PDE1A: variants seen among roughly 807,000 people sequenced by gnomAD.
The protein encoded by PDE1A is phosphodiesterase 1A.
A neutral mutation model predicts 61.7 loss-of-function variants in PDE1A; 35 were observed. The observed-to-expected ratio is 0.57, with a 90% CI of 0.43 to 0.75. The LOEUF is 0.75. Ranked by LOEUF, PDE1A falls within the 30% of genes least tolerant of loss-of-function variation. The pLI is 0.00. For missense variants in PDE1A, 597 were observed against 630.6 expected (o/e 0.95, Z 0.57); for synonymous variants, 232 against 213.2 (o/e 1.09, Z -0.77).
intron 2 of PDE1A, among the ~76,000 whole-genome samples, chr2:182,482,678 T>C (rs1687777403): frequency 6.6e-6 from 1 of 151,978 alleles, no homozygotes; most frequent in Non-Finnish European, 1.5e-5. Context: ...CCTGAAGCTA[T>C]TATCCCCATC....
At chr2:182,368,811 A>G (rs1191969371) in intron 1 of PDE1A, among the ~76,000 whole-genome samples, 1 of 152,180 alleles carries the variant, frequency 6.6e-6, no homozygotes, top group East Asian at 1.9e-4. Context: ...CTCTCCTTAC[A>G]GAATTGGGAG....
intron 2 of PDE1A, among the ~76,000 whole-genome samples, chr2:182,450,052 A>G (rs1685409790): frequency 1.3e-5 from 2 of 152,170 alleles, no homozygotes; most frequent in Non-Finnish European, 2.9e-5. Context: ...TGCTGTCAAG[A>G]TTAAATAAAA....
At chr2:182,201,689 C>G in exon 9 of PDE1A, 1 of 1,588,268 alleles carries the variant, frequency 6.3e-7, no homozygotes, top group Non-Finnish European at 8.6e-7. Context: ...AAAACCTACC[C>G]TTCAGGCTGC....
the PDE1A span, among the ~76,000 whole-genome samples, chr2:182,543,666 T>G: frequency 6.6e-6 from 1 of 152,268 alleles, no homozygotes; most frequent in Non-Finnish European, 1.5e-5. Flanking sequence ...AAATTAAACA[T>G]TGGAAACAGT....
intron 2 of PDE1A, among the ~76,000 whole-genome samples, chr2:182,454,732 C>A (rs200731033): frequency 0.17 from 25,332 of 151,312 alleles, 2,490 homozygotes; most frequent in Middle Eastern, 0.35. Context: ...AAAGCTGAAA[C>A]TGGATCCCTT....
rs201821721 is a variant in PDE1A at position 182,364,466 on chromosome 2, TAAAAAAAAAAAAAAAA to T, written c.53+62096_53+62111del. 7.8e-3 allele frequency among the ~76,000 whole-genome samples: 278 copies of T among 35,858 alleles called. 3 individuals carry two copies. The highest frequency in any genetic ancestry group is 0.017 in the African/African-American group (168 of 9,832). The allele number at this position is 35,858 out of a possible 152,430, so 23.5% of individuals were successfully genotyped here. A position where few individuals can be genotyped will look rare whatever the true frequency, so the allele number is the denominator to read the frequency against. On this transcript the variant is annotated intron_variant, in intron 1 of 13. Coordinates refer to ENST00000351439, the Ensembl canonical transcript of PDE1A. ...CTCAGACTATATTAGAACACTTTGG[TAAAAAAAAAAAAAAAA>T]AAAAAAAAAAAAAAAAACCTTATTC... is the stretch of plus-strand genomic sequence containing the variant.
the PDE1A span, among the ~76,000 whole-genome samples, chr2:182,704,972 G>A: frequency 6.6e-6 from 1 of 152,334 alleles, no homozygotes; most frequent in South Asian, 2.1e-4. Flanking sequence ...ATTGACTAAA[G>A]TATTTAAAAA....
the PDE1A span, among the ~76,000 whole-genome samples, chr2:182,678,200 G>A: frequency 3.9e-3 from 594 of 152,280 alleles, 2 homozygotes; most frequent in African/African-American, 0.013. Context: ...CAAGGCAGGC[G>A]GATCATGAGG....
intron 2 of PDE1A, among the ~76,000 whole-genome samples, chr2:182,245,345 T>C (rs977932222): frequency 1.1e-4 from 17 of 152,216 alleles, no homozygotes; most frequent in African/African-American, 3.9e-4. Context: ...TGTTAATACA[T>C]AATTATTAAT....
intron 1 of PDE1A, among the ~76,000 whole-genome samples, chr2:182,312,502 TTTA>T (rs1696050981): frequency 6.6e-6 from 1 of 151,838 alleles, no homozygotes; most frequent in Non-Finnish European, 1.5e-5. Flanking sequence ...CTCCTAGCAG[TTTA>T]TTTTATTTCT....
chr2:182,499,951 AG>A (rs1287810062), intron 2 of PDE1A, among the ~76,000 whole-genome samples: 1 of 152,212 alleles, frequency 6.6e-6, no homozygotes, highest in African/African-American at 2.4e-5. Flanking sequence ...AGCTTTAGCG[AG>A]TCCCAGTTGG....
intron 1 of PDE1A, among the ~76,000 whole-genome samples, chr2:182,282,323 A>T (rs941144602): frequency 1.3e-5 from 2 of 151,954 alleles, no homozygotes; most frequent in Admixed American, 1.3e-4. Flanking sequence ...CTTACATACA[A>T]GCCTCCTTAC....
At chr2:182,707,689 A>G in the PDE1A span, among the ~76,000 whole-genome samples, 1 of 152,250 alleles carries the variant, frequency 6.6e-6, no homozygotes, top group Non-Finnish European at 1.5e-5. Flanking sequence ...TGGATTCACC[A>G]TGGATTCTAT....
At chr2:182,229,892 ATACT>A (rs1689437154) in intron 6 of PDE1A, 110 bp downstream of exon 6, 1 of 642,120 alleles carries the variant, frequency 1.6e-6, no homozygotes, top group Non-Finnish European at 2.5e-6. Context: ...ATTCTTTATA[ATACT>A]TATTACTTAG....
At chr2:182,199,731 A>C (rs1258736857) in intron 10 of PDE1A, among the ~76,000 whole-genome samples, 1 of 152,138 alleles carries the variant, frequency 6.6e-6, no homozygotes, top group African/African-American at 2.4e-5. Flanking sequence ...TTTAGCACAA[A>C]GCAAATTATT....
At chr2:182,242,051 T>C (rs1690557479) in intron 2 of PDE1A, 2 of 1,290,286 alleles carry the variant, frequency 1.6e-6, no homozygotes, top group South Asian at 2.5e-5. Context: ...ACAAGTGGAA[T>C]AGGAATCATT....
the PDE1A span, among the ~76,000 whole-genome samples, chr2:182,684,386 T>C: frequency 0.11 from 17,367 of 152,070 alleles, 1,233 homozygotes; most frequent in African/African-American, 0.19. Flanking sequence ...ATAAGCTACA[T>C]AAATATTTAA....
chr2:182,190,656 C>G (rs1213350495), intron 10 of PDE1A, among the ~76,000 whole-genome samples: 5 of 152,022 alleles, frequency 3.3e-5, no homozygotes. Context: ...TTAAGTTTAG[C>G]TAATAAGAAA....
intron 2 of PDE1A, among the ~76,000 whole-genome samples, chr2:182,516,250 C>A (rs1690140862): frequency 6.6e-6 from 1 of 152,094 alleles, no homozygotes; most frequent in South Asian, 2.1e-4. Context: ...CTAGAGGTTG[C>A]CCTTGGCTCG....
Sources: gnomAD v4.1 joint callset for allele counts (sites outside exome capture counted in the v4.1 genomes callset) on GRCh38, gnomAD v4.1.1 for gene constraint, MANE v1.5 for transcripts, NCBI Gene and HGNC (gene_info 2026-07-23, HGNC 2026-07-21) for gene names.